ZBBX: variants seen among roughly 807,000 people sequenced by gnomAD.
ZBBX encodes the protein zinc finger B-box domain containing.
ZBBX carries 101 observed loss-of-function variants against 108.5 expected under a neutral mutation model. The observed-to-expected ratio is 0.93, with a 90% confidence interval of 0.79 to 1.10. The LOEUF (loss-of-function observed/expected upper bound fraction) is 1.10. Among genes scored for constraint, ZBBX ranks in the 50% least tolerant of loss-of-function variants. The pLI, the probability that ZBBX is intolerant of heterozygous loss-of-function variation, is 0.00. For missense variants in ZBBX, 1,009 were observed against 941.4 expected (o/e 1.07, Z -0.94); for synonymous variants, 356 against 323.4 (o/e 1.10, Z -1.08).
chr3:167,226,906 T>G, the ZBBX span, among the ~76,000 whole-genome samples: 10 of 151,712 alleles, frequency 6.6e-5, no homozygotes, highest in African/African-American at 2.2e-4. Context: ...CTAATAATGT[T>G]ACAGGTGGAA....
chr3:167,335,109 T>A (rs1198077530), intron 9 of ZBBX, among the ~76,000 whole-genome samples: 1 of 152,112 alleles, frequency 6.6e-6, no homozygotes, highest in Non-Finnish European at 1.5e-5. Context: ...CTTAATATCC[T>A]GCGTAGATCT....
chr3:167,195,713 T>C, the ZBBX span, among the ~76,000 whole-genome samples: 1 of 152,172 alleles, frequency 6.6e-6, no homozygotes, highest in Non-Finnish European at 1.5e-5. Flanking sequence ...AAGCCAACGG[T>C]AGCCTTTAAA....
intron 18 of ZBBX, among the ~76,000 whole-genome samples, chr3:167,295,353 T>C (rs1052417456): frequency 1.3e-5 from 2 of 152,024 alleles, no homozygotes; most frequent in Non-Finnish European, 2.9e-5. Context: ...TGGAATATTA[T>C]ATAGCCATAA....
At chr3:167,295,718 T>A (rs1348152563) in intron 18 of ZBBX, among the ~76,000 whole-genome samples, 2 of 5,252 alleles carry the variant, frequency 3.8e-4, no homozygotes, top group Admixed American at 2.1e-3. Context: ...GGAATATATA[T>A]ATATATATAT....
chr3:167,388,371 T>C (rs908275065), intron 1 of ZBBX, among the ~76,000 whole-genome samples: 1 of 151,800 alleles, frequency 6.6e-6, no homozygotes, highest in Non-Finnish European at 1.5e-5. Flanking sequence ...CCAACTAATA[T>C]AGGGAGTTAC....
chr3:167,246,510 T>A (rs1318256000), intron 20 of ZBBX, among the ~76,000 whole-genome samples: 1 of 152,202 alleles, frequency 6.6e-6, no homozygotes, highest in African/African-American at 2.4e-5. Flanking sequence ...TTATTTCTTA[T>A]GTAAGAAAAA....
chr3:167,280,875 C>G (rs1005350875), intron 20 of ZBBX, among the ~76,000 whole-genome samples: 6 of 152,202 alleles, frequency 3.9e-5, no homozygotes, highest in Middle Eastern at 3.4e-3. Context: ...CAATGATAGA[C>G]TGGATTAAGA....
chr3:167,335,355 C>A (rs545613551), intron 9 of ZBBX, among the ~76,000 whole-genome samples: 3 of 152,124 alleles, frequency 2.0e-5, no homozygotes, highest in Admixed American at 2.0e-4. Flanking sequence ...AAAGAACTGG[C>A]AAATTTGGGG....
At chr3:167,220,518 T>C in the ZBBX span, among the ~76,000 whole-genome samples, 22 of 152,132 alleles carry the variant, frequency 1.4e-4, no homozygotes, top group Middle Eastern at 3.4e-3. Context: ...TGAAAAAGCA[T>C]TGGATAAAAT....
chr3:167,301,847 C>G (rs1442474737), intron 17 of ZBBX, among the ~76,000 whole-genome samples: 2 of 150,478 alleles, frequency 1.3e-5, no homozygotes, highest in Non-Finnish European at 2.9e-5. Flanking sequence ...GTCCCAGCTA[C>G]ACGGGAGGCT....
At chr3:167,367,346 G>A (rs1276388334) in intron 5 of ZBBX, among the ~76,000 whole-genome samples, 2 of 151,716 alleles carry the variant, frequency 1.3e-5, no homozygotes, top group African/African-American at 2.4e-5. Flanking sequence ...ATATGTAAGC[G>A]AAAATACATG....
intron 11 of ZBBX, among the ~76,000 whole-genome samples, chr3:167,324,730 T>A (rs897259177): frequency 6.6e-6 from 1 of 152,120 alleles, no homozygotes; most frequent in African/African-American, 2.4e-5. Flanking sequence ...TTCTTTGAAA[T>A]CAGGATGCTT....
chr3:167,333,521 T>C (rs550617573), intron 10 of ZBBX, among the ~76,000 whole-genome samples: 2 of 152,304 alleles, frequency 1.3e-5, no homozygotes, highest in South Asian at 2.1e-4. Context: ...TTATATTGCA[T>C]TGTGGTTTTT....
At chr3:167,350,380 T>C (rs766891323) in intron 9 of ZBBX, 40 bp downstream of exon 9, 6 of 1,478,046 alleles carry the variant, frequency 4.1e-6, no homozygotes, top group South Asian at 4.0e-5. Context: ...GGAAACATTT[T>C]ATAAACACAC....
chr3:167,239,325 A>G (rs1213982205), downstream of ZBBX, among the ~76,000 whole-genome samples: 1 of 152,128 alleles, frequency 6.6e-6, no homozygotes, highest in African/African-American at 2.4e-5. Context: ...ACTCTCACAG[A>G]AACATCTAGA....
chr3:167,256,204 TC>T (rs1723481279), intron 20 of ZBBX, among the ~76,000 whole-genome samples: 2 of 152,148 alleles, frequency 1.3e-5, no homozygotes, highest in Non-Finnish European at 2.9e-5. Context: ...TATCCATTCA[TC>T]TGTTAATGAA....
chr3:167,394,752 C>G (rs1036502543), intron 1 of ZBBX, among the ~76,000 whole-genome samples: 23 of 151,974 alleles, frequency 1.5e-4, no homozygotes, highest in African/African-American at 5.3e-4. Context: ...CATGCAGAAT[C>G]AGGTTAATCT....
In ZBBX at chr3:167,251,925, AACACAC is replaced by A. The variant is rs3221849; in HGVS notation, c.2255-9288_2255-9283del. 5.8e-3 allele frequency among the ~76,000 whole-genome samples: 828 copies of A among 143,810 alleles called. 14 individuals are homozygous for A. The highest frequency in any genetic ancestry group is 0.02 in the African/African-American group (775 of 37,850). 94.3% of individuals were successfully genotyped at this position (143,810 alleles called of 152,430 possible). A position where few individuals can be genotyped will look rare whatever the true frequency, so the allele number is the denominator to read the frequency against. On this transcript the variant is annotated intron_variant, in intron 20 of 21. Coordinates refer to ENST00000675490, the MANE Select transcript of ZBBX (RefSeq NM_001199201.2). ...CGATTCATCATGATGTTGTGCCTGC[AACACAC>A]ACACACACACACACACACACACACA...
chr3:167,388,228 A>G (rs1000284746), intron 1 of ZBBX, among the ~76,000 whole-genome samples: 2 of 150,320 alleles, frequency 1.3e-5, no homozygotes, highest in East Asian at 1.9e-4. Context: ...TAGAAGAGGA[A>G]CATCAATATC....
Sources: gnomAD v4.1 joint callset for allele counts (sites outside exome capture counted in the v4.1 genomes callset) on GRCh38, gnomAD v4.1.1 for gene constraint, MANE v1.5 for transcripts, NCBI Gene and HGNC (gene_info 2026-07-23, HGNC 2026-07-21) for gene names.